The following PAK1 variants were observed in gnomAD, a reference collection of about 807,000 sequenced individuals.
PAK1 encodes serine/threonine-protein kinase PAK 1.
PAK1 carries 29 observed loss-of-function variants against 67.4 expected under a neutral mutation model. The ratio of observed to expected loss-of-function variants is 0.43; its 90% CI spans 0.32 to 0.59. The LOEUF is 0.59. PAK1 is among the 20% of genes least tolerant of loss of function. The pLI, the probability that PAK1 is intolerant of heterozygous loss-of-function variation, is 0.07. For missense variants in PAK1, 337 were observed against 670.7 expected, an observed-to-expected ratio of 0.50 and a Z score of 5.50; for synonymous variants, 223 against 237.4, an observed-to-expected ratio of 0.94 and a Z score of 0.56.
At chr11:77,438,527 C>G (rs1205465178) in intron 1 of PAK1, among the ~76,000 whole-genome samples, 2 of 152,170 alleles carry the variant, frequency 1.3e-5, no homozygotes, top group Non-Finnish European at 2.9e-5. Context: ...TCGTGTTAGG[C>G]TGAAGAACAA....
chr11:77,441,891 C>T (rs1177294665), intron 1 of PAK1, among the ~76,000 whole-genome samples: 1 of 152,136 alleles, frequency 6.6e-6, no homozygotes, highest in Admixed American at 6.5e-5. Context: ...CAGGTAACAC[C>T]CAATAGCAAA....
At chr11:77,436,345 T>C (rs1381569473) in intron 1 of PAK1, among the ~76,000 whole-genome samples, 2 of 152,126 alleles carry the variant, frequency 1.3e-5, no homozygotes. Context: ...CAGAGCAAAA[T>C]CATATAGCTC....
the PAK1 span, among the ~76,000 whole-genome samples, chr11:77,489,187 T>C: frequency 6.6e-6 from 1 of 152,174 alleles, no homozygotes; most frequent in African/African-American, 2.4e-5. Flanking sequence ...CTATTTATCC[T>C]AGAATAGTAT....
intron 5 of PAK1, among the ~76,000 whole-genome samples, chr11:77,373,408 C>T (rs889477299): frequency 1.3e-5 from 2 of 151,820 alleles, no homozygotes; most frequent in African/African-American, 4.8e-5. Context: ...ACATCACACT[C>T]AATAAGCTGA....
chr11:77,483,031 T>G, the PAK1 span, among the ~76,000 whole-genome samples: 3 of 152,022 alleles, frequency 2.0e-5, no homozygotes, highest in East Asian at 5.8e-4. Flanking sequence ...ACCTTGTCTC[T>G]ACTAAAAATA....
At chr11:77,503,391 G>A in the PAK1 span, among the ~76,000 whole-genome samples, 3 of 152,232 alleles carry the variant, frequency 2.0e-5, no homozygotes, top group African/African-American at 7.2e-5. Context: ...CATATGCTGA[G>A]GCCAATTGCC....
chr11:77,325,592 G>A (rs1939617042), intron 14 of PAK1, among the ~76,000 whole-genome samples: 1 of 152,100 alleles, frequency 6.6e-6, no homozygotes, highest in South Asian at 2.1e-4. Flanking sequence ...AATTAAGAAT[G>A]GTATCTTTAC....
chr11:77,472,425 A>T (rs1186199633), intron 1 of PAK1, among the ~76,000 whole-genome samples: 1 of 152,216 alleles, frequency 6.6e-6, no homozygotes, highest in African/African-American at 2.4e-5. Context: ...CTCTGTCTGT[A>T]AGAGGAGAGA....
At chr11:77,336,490 A>G (rs13328841) in intron 12 of PAK1, among the ~76,000 whole-genome samples, 6,561 of 152,242 alleles carry the variant, frequency 0.043, 498 homozygotes, top group African/African-American at 0.15. Context: ...TAGAAGGAAT[A>G]TAAGAAACAC....
chr11:77,466,100 T>C (rs1957583031), intron 1 of PAK1, among the ~76,000 whole-genome samples: 1 of 152,192 alleles, frequency 6.6e-6, no homozygotes, highest in African/African-American at 2.4e-5. Flanking sequence ...ACTATTTCCA[T>C]AGTGAAATAC....
chr11:77,349,381 G>T, intron 8 of PAK1, 94 bp from the exon 9 acceptor site: 1 of 930,334 alleles, frequency 1.1e-6, no homozygotes, highest in Non-Finnish European at 1.7e-6. Context: ...ATCTGTGAGT[G>T]TCAAAAACAA....
chr11:77,357,771 T>TA (rs1470247897), intron 6 of PAK1, among the ~76,000 whole-genome samples: 4 of 152,174 alleles, frequency 2.6e-5, no homozygotes, highest in Non-Finnish European at 5.9e-5. Flanking sequence ...ATTAATTAAT[T>TA]AATTCAATAT....
At chr11:77,482,787 G>T in the PAK1 span, among the ~76,000 whole-genome samples, 44,119 of 151,598 alleles carry the variant, frequency 0.29, 7,206 homozygotes, top group Admixed American at 0.44. Flanking sequence ...GTTTCTTTTT[G>T]TAAAGGCAGG....
chr11:77,369,037 T>C (rs189779933), intron 5 of PAK1, among the ~76,000 whole-genome samples: 1 of 152,332 alleles, frequency 6.6e-6, no homozygotes, highest in East Asian at 1.9e-4. Context: ...TTTGATTAGG[T>C]ACAAAATTCT....
At chr11:77,440,654 T>C (rs1381690494) in intron 1 of PAK1, among the ~76,000 whole-genome samples, 6 of 152,148 alleles carry the variant, frequency 3.9e-5, no homozygotes, top group Admixed American at 2.6e-4. Flanking sequence ...TATTCCAAAA[T>C]AGAATATTTA....
chr11:77,419,986 A>G (rs928254333), intron 1 of PAK1, among the ~76,000 whole-genome samples: 2 of 152,248 alleles, frequency 1.3e-5, no homozygotes, highest in African/African-American at 4.8e-5. Flanking sequence ...GAAAAAAGAT[A>G]TTAATAAATC....
intron 1 of PAK1, among the ~76,000 whole-genome samples, chr11:77,444,267 A>G (rs1592497675): frequency 6.7e-6 from 1 of 149,288 alleles, no homozygotes; most frequent in East Asian, 2.0e-4. Flanking sequence ...GCAACCAGGT[A>G]CGTAAACCTG....
chr11:77,501,435 T>C, the PAK1 span, among the ~76,000 whole-genome samples: 2 of 152,356 alleles, frequency 1.3e-5, no homozygotes, highest in Non-Finnish European at 2.9e-5. Context: ...CTGTGCCTGC[T>C]GAGCATTCAC....
chr11:77,463,484 A>G (rs1346945040), intron 1 of PAK1, among the ~76,000 whole-genome samples: 5 of 152,208 alleles, frequency 3.3e-5, no homozygotes, highest in Admixed American at 2.0e-4. Context: ...GAGAGGGTCC[A>G]CCTACCACAG....
Sources: gnomAD v4.1 joint callset for allele counts (sites outside exome capture counted in the v4.1 genomes callset) on GRCh38, gnomAD v4.1.1 for gene constraint, MANE v1.5 for transcripts, NCBI Gene and HGNC (gene_info 2026-07-23, HGNC 2026-07-21) for gene names.